LRBA: variants seen among roughly 807,000 people sequenced by gnomAD.
LRBA encodes the protein LPS responsive beige-like anchor protein, also known as lipopolysaccharide-responsive and beige-like anchor protein.
In LRBA, 176 loss-of-function variants were observed where a neutral mutation model predicts 330.0. That is an observed-to-expected ratio of 0.53 (90% CI 0.47 to 0.60). LRBA has a LOEUF of 0.60. Ranked by LOEUF, LRBA falls within the 20% of genes least tolerant of loss-of-function variation. The pLI, the probability that LRBA is intolerant of heterozygous loss-of-function variation, is 0.00. For missense variants in LRBA, 3,259 were observed against 3,444.8 expected, an observed-to-expected ratio of 0.95 and a Z score of 1.35; for synonymous variants, 1,230 against 1,193.0, an observed-to-expected ratio of 1.03 and a Z score of -0.64.
At chr4:150,382,108 T>C (rs1742356249) in intron 47 of LRBA, among the ~76,000 whole-genome samples, 1 of 152,196 alleles carries the variant, frequency 6.6e-6, no homozygotes, top group Admixed American at 6.5e-5. Flanking sequence ...ATTCTATGGA[T>C]TGTCTTTTCA....
chr4:150,697,331 A>G (rs1333843286), intron 36 of LRBA, among the ~76,000 whole-genome samples: 1 of 141,528 alleles, frequency 7.1e-6, no homozygotes, highest in African/African-American at 2.8e-5. Flanking sequence ...CTCAGAAAAA[A>G]AAAAAAAAAA....
At chr4:150,442,198 G>A (rs1223046353) in intron 44 of LRBA, among the ~76,000 whole-genome samples, 3 of 152,108 alleles carry the variant, frequency 2.0e-5, no homozygotes, top group Non-Finnish European at 1.5e-5. Context: ...TCTCAAGGGA[G>A]TTTTTCACAC....
intron 44 of LRBA, among the ~76,000 whole-genome samples, chr4:150,454,503 A>C (rs1388169528): frequency 6.6e-6 from 1 of 151,956 alleles, no homozygotes; most frequent in African/African-American, 2.4e-5. Flanking sequence ...TCAGATTTTA[A>C]AATAATTTAC....
At chr4:150,962,575 T>G (rs1433642645) in intron 2 of LRBA, among the ~76,000 whole-genome samples, 3 of 148,790 alleles carry the variant, frequency 2.0e-5, no homozygotes. Context: ...TTAAGGAAGT[T>G]CTGAGTAAGA....
intron 36 of LRBA, among the ~76,000 whole-genome samples, chr4:150,689,541 C>G (rs1356331445): frequency 6.6e-6 from 1 of 151,842 alleles, no homozygotes; most frequent in African/African-American, 2.4e-5. Flanking sequence ...GATATATTCT[C>G]TATTAAAGAA....
At chr4:150,786,883 G>A (rs1248072858) in intron 34 of LRBA, among the ~76,000 whole-genome samples, 1 of 152,116 alleles carries the variant, frequency 6.6e-6, no homozygotes, top group Non-Finnish European at 1.5e-5. Flanking sequence ...AACCTATTGG[G>A]CAATTACATT....
Position 150,487,794 on chromosome 4 carries a change from CT to C in LRBA, c.6488del (p.Lys2163ArgfsTer26). 6.3e-7 allele frequency: 1 copy of C among 1,597,282 alleles called. No individual in the cohort carries two copies. The highest frequency in any genetic ancestry group is 8.6e-7 in the Non-Finnish European group (1 of 1,168,224). ...CACGAGGTAGATAGTTAACCACTTT[CT>C]TTACTGTTGCAGGGTCTGGGAAGTT... Reference protein sequence around the residue: ...MFNFPDPATVKKVVNYLPRVG... With the variant: ...MFNFPDPATVXKVVNYLPRVG... On this transcript the variant is annotated frameshift_variant, in exon 42 of 57. Coordinates refer to ENST00000651943, the MANE Select transcript of LRBA (RefSeq NM_001364905.1). LOFTEE classifies it high-confidence loss of function.
At chr4:150,623,017 C>T (rs1307177214) in intron 37 of LRBA, among the ~76,000 whole-genome samples, 1 of 152,072 alleles carries the variant, frequency 6.6e-6, no homozygotes, top group Non-Finnish European at 1.5e-5. Context: ...AGGCTGATTT[C>T]CTCTCTCCCC....
intron 37 of LRBA, among the ~76,000 whole-genome samples, chr4:150,645,276 G>A (rs1779021629): frequency 6.7e-6 from 1 of 149,650 alleles, no homozygotes; most frequent in African/African-American, 2.5e-5. Flanking sequence ...AGCTTTTACT[G>A]AAGACATAAT....
At chr4:150,554,658 A>G (rs571185244) in intron 40 of LRBA, among the ~76,000 whole-genome samples, 71 of 152,232 alleles carry the variant, frequency 4.7e-4, no homozygotes, top group Non-Finnish European at 8.8e-4. Context: ...ATCAATATAT[A>G]TTAGTAAATA....
intron 22 of LRBA, among the ~76,000 whole-genome samples, chr4:150,864,225 C>T (rs1001589387): frequency 3.3e-5 from 5 of 152,048 alleles, no homozygotes; most frequent in African/African-American, 1.2e-4. Context: ...CGTGAGCCAC[C>T]GTGCCCGGGC....
chr4:150,465,264 T>C (rs772240795), intron 44 of LRBA, among the ~76,000 whole-genome samples: 25 of 152,146 alleles, frequency 1.6e-4, no homozygotes, highest in South Asian at 6.2e-4. Flanking sequence ...TAATATTACA[T>C]TGTATGTATA....
intron 23 of LRBA, among the ~76,000 whole-genome samples, chr4:150,851,334 G>A (rs1578995153): frequency 6.6e-6 from 1 of 152,218 alleles, no homozygotes; most frequent in East Asian, 1.9e-4. Context: ...AAGGAGGGTG[G>A]GACAGAGGAT....
intron 31 of LRBA, among the ~76,000 whole-genome samples, chr4:150,813,703 C>T (rs945287566): frequency 6.6e-6 from 1 of 151,908 alleles, no homozygotes; most frequent in Non-Finnish European, 1.5e-5. Context: ...ATTTTGATAT[C>T]AAAATTTCCA....
chr4:150,335,382 AAT>A (rs1373235868), intron 48 of LRBA, among the ~76,000 whole-genome samples: 4 of 150,838 alleles, frequency 2.7e-5, no homozygotes, highest in Non-Finnish European at 4.4e-5. Context: ...TTCAGCAAAA[AAT>A]ATATGTGTAT....
At chr4:151,007,812 G>A (rs1413130184) in intron 2 of LRBA, among the ~76,000 whole-genome samples, 13 of 146,688 alleles carry the variant, frequency 8.9e-5, no homozygotes, top group African/African-American at 3.0e-4. Flanking sequence ...AGCCGAGATC[G>A]CACCACTGCA....
At chr4:150,919,109 A>C (rs1732963380) in intron 5 of LRBA, among the ~76,000 whole-genome samples, 1 of 152,230 alleles carries the variant, frequency 6.6e-6, no homozygotes, top group South Asian at 2.1e-4. Flanking sequence ...TGTACCATGG[A>C]TGGACCTTGA....
At chr4:150,267,100 A>C (rs1745446839) in intron 56 of LRBA, among the ~76,000 whole-genome samples, 2 of 152,210 alleles carry the variant, frequency 1.3e-5, no homozygotes, top group Non-Finnish European at 2.9e-5. Context: ...TAATAGTTTT[A>C]GACGTCAATA....
intron 37 of LRBA, among the ~76,000 whole-genome samples, chr4:150,621,758 GAATT>G (rs1440553493): frequency 6.6e-6 from 1 of 152,140 alleles, no homozygotes; most frequent in Non-Finnish European, 1.5e-5. Flanking sequence ...GAAGGAAATG[GAATT>G]AATTTTTACT....
Sources: gnomAD v4.1 joint callset for allele counts (sites outside exome capture counted in the v4.1 genomes callset) on GRCh38, gnomAD v4.1.1 for gene constraint, MANE v1.5 for transcripts, NCBI Gene and HGNC (gene_info 2026-07-23, HGNC 2026-07-21) for gene names.